RNLS: variants seen among roughly 807,000 people sequenced by gnomAD.
RNLS encodes renalase.
In RNLS, 39 loss-of-function variants were observed where a neutral mutation model predicts 39.8. The ratio of observed to expected loss-of-function variants is 0.98; its 90% CI spans 0.76 to 1.28. RNLS has a LOEUF of 1.28. Ranked by LOEUF, RNLS falls within the 50% of genes most tolerant of loss-of-function variation. RNLS has a pLI of 0.00. For missense variants in RNLS, 410 were observed against 413.3 expected (o/e 0.99, Z 0.07); for synonymous variants, 147 against 150.7 (o/e 0.98, Z 0.18).
intron 5 of RNLS, among the ~76,000 whole-genome samples, chr10:88,344,865 T>C (rs1056609588): frequency 2.6e-5 from 4 of 152,192 alleles, no homozygotes; most frequent in Admixed American, 1.3e-4. Flanking sequence ...TAAATATTAA[T>C]GGAATTTCAA....
At chr10:88,421,220 G>A (rs749093814) in intron 4 of RNLS, among the ~76,000 whole-genome samples, 12 of 152,098 alleles carry the variant, frequency 7.9e-5, no homozygotes, top group Non-Finnish European at 1.5e-4. Flanking sequence ...AACAGGAAGC[G>A]TTATTAATAT....
the RNLS span, among the ~76,000 whole-genome samples, chr10:88,192,798 T>C: frequency 6.6e-6 from 1 of 152,216 alleles, no homozygotes; most frequent in East Asian, 1.9e-4. Context: ...CTTATACTTT[T>C]AGTATTTATA....
chr10:88,239,859 C>T, the RNLS span, among the ~76,000 whole-genome samples: 1 of 152,318 alleles, frequency 6.6e-6, no homozygotes, highest in East Asian at 1.9e-4. Context: ...CCTTCTCCAA[C>T]AAGAGGAAGA....
chr10:88,333,234 T>C (rs887958975), intron 5 of RNLS, among the ~76,000 whole-genome samples: 2 of 152,242 alleles, frequency 1.3e-5, no homozygotes, highest in African/African-American at 2.4e-5. Flanking sequence ...AGTGTAAATC[T>C]TTAATGGAAA....
chr10:88,467,780 A>G (rs1181998386), intron 4 of RNLS, among the ~76,000 whole-genome samples: 18 of 152,100 alleles, frequency 1.2e-4, no homozygotes, highest in Admixed American at 1.2e-3. Flanking sequence ...ACTCAAAACC[A>G]ATGCTCTCGC....
chr10:88,192,119 T>A, the RNLS span, among the ~76,000 whole-genome samples: 3 of 152,132 alleles, frequency 2.0e-5, no homozygotes, highest in South Asian at 4.2e-4. Flanking sequence ...ATGTTCTTTG[T>A]CAGGGCAGCC....
At chr10:88,355,984 G>A (rs1201983819) in intron 5 of RNLS, among the ~76,000 whole-genome samples, 4 of 152,300 alleles carry the variant, frequency 2.6e-5, no homozygotes, top group Non-Finnish European at 4.4e-5. Flanking sequence ...AACGAGAGAT[G>A]AGCAAGGCTC....
chr10:88,227,528 G>A, the RNLS span, among the ~76,000 whole-genome samples: 4 of 152,142 alleles, frequency 2.6e-5, no homozygotes, highest in African/African-American at 7.2e-5. Flanking sequence ...AGTTCACCAC[G>A]AGTGCACTCA....
intron 4 of RNLS, among the ~76,000 whole-genome samples, chr10:88,557,401 A>G (rs1488880639): frequency 6.6e-6 from 1 of 152,216 alleles, no homozygotes; most frequent in African/African-American, 2.4e-5. Flanking sequence ...TTTTCTAGAC[A>G]TAAACATTCA....
intron 6 of RNLS, among the ~76,000 whole-genome samples, chr10:88,302,731 C>T (rs1057490614): frequency 2.6e-5 from 4 of 152,040 alleles, no homozygotes; most frequent in South Asian, 2.1e-4. Flanking sequence ...TGTAGTTTGT[C>T]GAGGTGGCTG....
chr10:88,199,962 C>G, the RNLS span, among the ~76,000 whole-genome samples: 1 of 152,132 alleles, frequency 6.6e-6, no homozygotes, highest in Non-Finnish European at 1.5e-5. Context: ...GACCCTGTTT[C>G]TGCAAAAAAT....
chr10:88,320,918 C>A (rs569978266), intron 5 of RNLS, among the ~76,000 whole-genome samples: 1 of 149,128 alleles, frequency 6.7e-6, no homozygotes, highest in African/African-American at 2.5e-5. Context: ...CAAAGAAAAT[C>A]TGGACTTAAA....
the RNLS span, among the ~76,000 whole-genome samples, chr10:88,244,186 G>A: frequency 6.6e-6 from 1 of 152,202 alleles, no homozygotes; most frequent in Admixed American, 6.5e-5. Flanking sequence ...GCCCCAAGTT[G>A]TACAGCAAAT....
intron 5 of RNLS, among the ~76,000 whole-genome samples, chr10:88,352,254 G>C (rs1650622288): frequency 6.6e-6 from 1 of 152,186 alleles, no homozygotes; most frequent in African/African-American, 2.4e-5. Flanking sequence ...GGAGTGGTGA[G>C]AGAGGGCATC....
chr10:88,309,016 C>T (rs111515100), intron 6 of RNLS, among the ~76,000 whole-genome samples: 378 of 152,170 alleles, frequency 2.5e-3, no homozygotes, highest in Non-Finnish European at 3.6e-3. Context: ...CAAACTAATG[C>T]GGGAACAGAA....
intron 4 of RNLS, among the ~76,000 whole-genome samples, chr10:88,379,590 A>T (rs973073398): frequency 6.6e-6 from 1 of 152,210 alleles, no homozygotes; most frequent in Admixed American, 6.5e-5. Flanking sequence ...GATTTTCCAA[A>T]AATGGTTGCA....
the RNLS span, among the ~76,000 whole-genome samples, chr10:88,186,451 CAT>C: frequency 1.3e-5 from 2 of 152,224 alleles, no homozygotes; most frequent in Admixed American, 6.5e-5. Flanking sequence ...GTGTTTTACA[CAT>C]GTCATCTCTG....
intron 4 of RNLS, among the ~76,000 whole-genome samples, chr10:88,397,979 G>C (rs544979395): frequency 6.6e-6 from 1 of 152,106 alleles, no homozygotes; most frequent in South Asian, 2.1e-4. Context: ...CCACTCAGTG[G>C]GGGAAATAAT....
chr10:88,285,659 A>C (rs189106925), intron 6 of RNLS, among the ~76,000 whole-genome samples, 153 bp from the exon 7 acceptor site: 10 of 152,294 alleles, frequency 6.6e-5, no homozygotes, highest in Non-Finnish European at 1.5e-4. Context: ...CACAAGAAAC[A>C]AAAAACAAAC....
Sources: gnomAD v4.1 joint callset for allele counts (sites outside exome capture counted in the v4.1 genomes callset) on GRCh38, gnomAD v4.1.1 for gene constraint, MANE v1.5 for transcripts, NCBI Gene and HGNC (gene_info 2026-07-23, HGNC 2026-07-21) for gene names.